PRKN: variants seen among roughly 807,000 people sequenced by gnomAD.
PRKN encodes E3 ubiquitin-protein ligase parkin.
A neutral mutation model predicts 59.5 loss-of-function variants in PRKN; 56 were observed. That is an observed-to-expected ratio of 0.94 (90% CI 0.76 to 1.18). The LOEUF (loss-of-function observed/expected upper bound fraction) is 1.18. PRKN is among the 50% of genes most tolerant of loss of function. The pLI, the probability that PRKN is intolerant of heterozygous loss-of-function variation, is 0.00. For synonymous variants in PRKN, 250 were observed against 222.1 expected (o/e 1.13, Z -1.12); for missense variants, 657 against 596.4 (o/e 1.10, Z -1.06).
chr6:161,695,945 C>T (rs939956481), intron 7 of PRKN, among the ~76,000 whole-genome samples: 1 of 152,160 alleles, frequency 6.6e-6, no homozygotes, highest in Non-Finnish European at 1.5e-5. Flanking sequence ...GACTGGGTGG[C>T]GGACAGAGGC....
intron 5 of PRKN, among the ~76,000 whole-genome samples, chr6:162,021,154 ATATATATATAT>A (rs1783156544): frequency 2.7e-4 from 5 of 18,736 alleles, no homozygotes; most frequent in South Asian, 1.7e-3. Context: ...ATATATATAT[ATATATATATAT>A]AAAATATATG....
intron 1 of PRKN, among the ~76,000 whole-genome samples, chr6:162,518,627 A>G (rs1005363154): frequency 1.3e-5 from 2 of 152,184 alleles, no homozygotes; most frequent in African/African-American, 4.8e-5. Flanking sequence ...TTGGGATACC[A>G]AACTGCTGAG....
intron 6 of PRKN, among the ~76,000 whole-genome samples, chr6:161,911,479 T>G (rs1778358761): frequency 6.6e-6 from 1 of 152,196 alleles, no homozygotes; most frequent in Admixed American, 6.5e-5. Context: ...CTATCAGAAC[T>G]CCTGCAACTC....
chr6:162,718,544 T>C (rs1310949732), intron 1 of PRKN, among the ~76,000 whole-genome samples: 1 of 151,918 alleles, frequency 6.6e-6, no homozygotes, highest in Non-Finnish European at 1.5e-5. Context: ...ACCCCGTCTA[T>C]ACTAAAAATA....
chr6:162,605,184 A>C (rs547521214), intron 1 of PRKN, among the ~76,000 whole-genome samples: 1 of 152,304 alleles, frequency 6.6e-6, no homozygotes, highest in East Asian at 1.9e-4. Flanking sequence ...CTAACCCTGA[A>C]TATGAAGGCT....
At chr6:161,777,660 T>A (rs1159490943) in intron 7 of PRKN, among the ~76,000 whole-genome samples, 1 of 127,210 alleles carries the variant, frequency 7.9e-6, no homozygotes, top group East Asian at 2.2e-4. Flanking sequence ...ATATATATAT[T>A]ATATATATGA....
chr6:161,673,432 G>A (rs936044221), intron 7 of PRKN, among the ~76,000 whole-genome samples: 8 of 152,108 alleles, frequency 5.3e-5, no homozygotes, highest in South Asian at 2.1e-4. Context: ...AGACCCTGAC[G>A]GGAAGCAGAT....
intron 1 of PRKN, among the ~76,000 whole-genome samples, chr6:162,700,059 T>C (rs966254154): frequency 6.6e-6 from 1 of 152,194 alleles, no homozygotes; most frequent in Non-Finnish European, 1.5e-5. Flanking sequence ...TCCATGTTCA[T>C]TAAAATCATT....
At chr6:162,289,322 C>T (rs1781325940) in intron 2 of PRKN, among the ~76,000 whole-genome samples, 1 of 152,238 alleles carries the variant, frequency 6.6e-6, no homozygotes, top group South Asian at 2.1e-4. Flanking sequence ...AAGGCCCAGC[C>T]TAATGACCAC....
In PRKN at chr6:162,201,153, T is replaced by C; in HGVS notation, c.512A>G (p.Gln171Arg). ...KLRVQCSTCR[Q>R]ATLTLTQGPS... is the part of the protein sequence containing the mutation. Reference sequence around the variant, plus strand: ...TACCTGGGTCAAGGTGAGCGTTGCCTGCCTGCAGGTGCTGCACTGTACCCT... The same window carrying C: ...TACCTGGGTCAAGGTGAGCGTTGCCCGCCTGCAGGTGCTGCACTGTACCCT... Residue 171 changes from glutamine (Q) to arginine (R), a missense_variant, in exon 4 of 12, where the codon CAG becomes CGG. Coordinates refer to ENST00000366898, the MANE Select transcript of PRKN (RefSeq NM_004562.3). The C allele has an allele frequency of 1.2e-6, 2 of 1,614,184 alleles. No individual in the cohort carries two copies. Among genetic ancestry groups the C allele is most frequent in the Non-Finnish European group, 1.7e-6 (2 of 1,180,024 alleles).
Position 162,281,659 on chromosome 6 carries a change from T to C in PRKN, c.172-18894A>G, listed in dbSNP as rs80280822. Among the ~76,000 whole-genome samples the C allele has an allele frequency of 7.3e-3, 1,111 of 152,290 alleles. 9 individuals carry two copies. Among genetic ancestry groups the C allele is most frequent in the African/African-American group, 0.025 (1,033 of 41,566 alleles). ...ATTGTATAAATACAGATTACCAATA[T>C]GGTTTAAATAGAAGAATTATAGTCA... is the stretch of plus-strand genomic sequence containing the variant. On this transcript the variant is annotated intron_variant, in intron 2 of 11. Transcript: ENST00000366898.
intron 1 of PRKN, among the ~76,000 whole-genome samples, chr6:162,572,575 G>A (rs936323029): frequency 2.6e-5 from 4 of 152,042 alleles, no homozygotes; most frequent in African/African-American, 9.7e-5. Context: ...GTCTTCATGG[G>A]GGCAATATCA....
At chr6:162,528,631 A>C (rs1778386982) in intron 1 of PRKN, among the ~76,000 whole-genome samples, 1 of 152,116 alleles carries the variant, frequency 6.6e-6, no homozygotes, top group African/African-American at 2.4e-5. Flanking sequence ...ATTAAATGCA[A>C]AGAGTTGATA....
chr6:162,067,349 C>T (rs1276064311), intron 4 of PRKN, among the ~76,000 whole-genome samples: 1 of 152,142 alleles, frequency 6.6e-6, no homozygotes, highest in African/African-American at 2.4e-5. Flanking sequence ...CAATGGAGCA[C>T]ACAAAACAGT....
At position 161,658,030 on chromosome 6, in the gene PRKN, A is replaced by AAAAAAAAAAAAAAAG. The variant is rs781518268; in HGVS notation, c.872-88615_872-88614insCTTTTTTTTTTTTTT. On this transcript the variant is annotated intron_variant, in intron 7 of 11. Transcript: ENST00000366898. Reference sequence around the variant, plus strand: ...GACTCTGTCTCAAAAAAAAAAAAAAAAAAAGAAAAGAAAAGAAAAAAACGG... The same window carrying AAAAAAAAAAAAAAAG: ...GACTCTGTCTCAAAAAAAAAAAAAAAAAAAAAAAAAAAAAGAAAAGAAAAGAAAAGAAAAAAACGG... Among the ~76,000 whole-genome samples, 573 of 104,692 alleles carry AAAAAAAAAAAAAAAG rather than the reference A, an allele frequency of 5.5e-3. 14 individuals are homozygous for AAAAAAAAAAAAAAAG. Among genetic ancestry groups the AAAAAAAAAAAAAAAG allele is most frequent in the African/African-American group, 0.018 (521 of 28,474 alleles). 68.7% of individuals were successfully genotyped at this position (104,692 alleles called of 152,430 possible).
At chr6:162,004,963 T>C (rs1782193212) in intron 5 of PRKN, among the ~76,000 whole-genome samples, 1 of 152,216 alleles carries the variant, frequency 6.6e-6, no homozygotes. Flanking sequence ...AACATATACA[T>C]TTTTCTTTCC....
intron 6 of PRKN, among the ~76,000 whole-genome samples, chr6:161,928,494 A>T (rs993395765): frequency 6.6e-6 from 1 of 152,208 alleles, no homozygotes; most frequent in East Asian, 1.9e-4. Context: ...ATTCCACAGG[A>T]TTTAGTCATA....
At chr6:162,085,974 T>C (rs1263269994) in intron 4 of PRKN, among the ~76,000 whole-genome samples, 1 of 152,218 alleles carries the variant, frequency 6.6e-6, no homozygotes, top group Non-Finnish European at 1.5e-5. Flanking sequence ...TTCTACTCTA[T>C]CCATCCTATT....
At chr6:162,024,490 C>T (rs1783346554) in intron 5 of PRKN, among the ~76,000 whole-genome samples, 1 of 152,174 alleles carries the variant, frequency 6.6e-6, no homozygotes, top group South Asian at 2.1e-4. Flanking sequence ...AGCCACAGCG[C>T]CCAGCCCACT....
Sources: gnomAD v4.1 joint callset for allele counts (sites outside exome capture counted in the v4.1 genomes callset) on GRCh38, gnomAD v4.1.1 for gene constraint, MANE v1.5 for transcripts, NCBI Gene and HGNC (gene_info 2026-07-23, HGNC 2026-07-21) for gene names.